ARHGAP26: variants seen among roughly 807,000 people sequenced by gnomAD.
ARHGAP26 encodes Rho GTPase activating protein 26.
A neutral mutation model predicts 104.8 loss-of-function variants in ARHGAP26; 38 were observed. The observed-to-expected ratio is 0.36, with a 90% CI of 0.28 to 0.48. The LOEUF is 0.48. ARHGAP26 is among the 20% of genes least tolerant of loss of function. The pLI, the probability that ARHGAP26 is intolerant of heterozygous loss-of-function variation, is 0.99. For synonymous variants in ARHGAP26, 341 were observed against 340.0 expected, an observed-to-expected ratio of 1.00 and a Z score of -0.03; for missense variants, 704 against 947.9, an observed-to-expected ratio of 0.74 and a Z score of 3.38.
chr5:142,771,510 T>C (rs1755195486), intron 1 of ARHGAP26: 1 of 909,126 alleles, frequency 1.1e-6, no homozygotes, highest in Admixed American at 4.3e-5. Context: ...CTGGAATCAG[T>C]ACGTGCGCAG....
At position 143,033,622 on chromosome 5, in the gene ARHGAP26, A is replaced by G. The variant is rs75112433; in HGVS notation, c.1145-3574A>G. The stretch of plus-strand genomic sequence containing the variant: ...TTCTTTTCAATTTTTCAAAACTTTT[A>G]TCGATGTTCAGAGGGTAAAGAAATA... On this transcript the variant is annotated intron_variant, in intron 12 of 22. Coordinates refer to ENST00000645722, the MANE Select transcript of ARHGAP26 (RefSeq NM_001135608.3). Among the ~76,000 whole-genome samples the G allele has an allele frequency of 3.7e-3, 570 of 152,328 alleles. 1 individual carries two copies. Among genetic ancestry groups the G allele is most frequent in the Non-Finnish European group, 6.8e-3 (465 of 68,026 alleles).
At chr5:142,909,523 C>G (rs957219132) in intron 9 of ARHGAP26, among the ~76,000 whole-genome samples, 1 of 152,204 alleles carries the variant, frequency 6.6e-6, no homozygotes, top group Non-Finnish European at 1.5e-5. Context: ...CTTTCTTTTA[C>G]TTAAGCCATG....
chr5:143,066,649 A>C (rs939151890), intron 17 of ARHGAP26, among the ~76,000 whole-genome samples: 3 of 152,186 alleles, frequency 2.0e-5, no homozygotes, highest in Non-Finnish European at 4.4e-5. Flanking sequence ...GGCTTTCTTC[A>C]TAGTTTTGTT....
chr5:142,948,479 A>G (rs1767517478), intron 11 of ARHGAP26, among the ~76,000 whole-genome samples: 1 of 151,874 alleles, frequency 6.6e-6, no homozygotes, highest in Non-Finnish European at 1.5e-5. Context: ...TATGAAAAAT[A>G]TATAATTGTG....
chr5:142,975,812 A>C (rs773289339), intron 11 of ARHGAP26, among the ~76,000 whole-genome samples: 18 of 152,234 alleles, frequency 1.2e-4, no homozygotes, highest in Admixed American at 3.3e-4. Flanking sequence ...GAGAGTATTA[A>C]GAAAACATAA....
intron 1 of ARHGAP26, among the ~76,000 whole-genome samples, chr5:142,825,636 G>A (rs143054285): frequency 4.1e-4 from 63 of 152,318 alleles, no homozygotes; most frequent in African/African-American, 1.4e-3. Context: ...TAATTCCTTA[G>A]CGGGACGATA....
At chr5:143,079,499 G>C (rs906042962) in intron 17 of ARHGAP26, among the ~76,000 whole-genome samples, 2 of 152,200 alleles carry the variant, frequency 1.3e-5, no homozygotes, top group Admixed American at 1.3e-4. Flanking sequence ...GTGCTGTGCA[G>C]CTGATTTGAT....
chr5:143,098,058 G>T (rs985930772), intron 17 of ARHGAP26, among the ~76,000 whole-genome samples: 2 of 152,056 alleles, frequency 1.3e-5, no homozygotes, highest in African/African-American at 2.4e-5. Context: ...CTATACAGAA[G>T]AACTCTTCCT....
Position 143,061,622 on chromosome 5 carries a change from C to CT in ARHGAP26, c.1538+3878dup, listed in dbSNP as rs201840970. On this transcript the variant is annotated intron_variant, in intron 17 of 22. Transcript: ENST00000645722. The stretch of plus-strand genomic sequence containing the variant: ...GAGAGATATGGTATCATTTAGGATG[C>CT]TTTGAGCTGCAAGAAACAGAAAATC... 1.3e-3 allele frequency among the ~76,000 whole-genome samples: 194 copies of CT among 152,234 alleles called. 1 individual carries two copies. Among genetic ancestry groups the CT allele is most frequent in the African/African-American group, 4.4e-3 (182 of 41,534 alleles).
chr5:143,142,214 CT>C, intron 19 of ARHGAP26, among the ~76,000 whole-genome samples: 1 of 140,476 alleles, frequency 7.1e-6, no homozygotes, highest in Non-Finnish European at 1.5e-5. Context: ...TCTTGGCTCA[CT>C]GCAACCTTCG....
intron 11 of ARHGAP26, among the ~76,000 whole-genome samples, chr5:142,963,179 T>TAC (rs1554172139): frequency 1.2e-4 from 13 of 104,140 alleles, no homozygotes; most frequent in African/African-American, 7.5e-4. Flanking sequence ...TATGTATATA[T>TAC]ATATATATAT....
chr5:143,012,258 A>G (rs1778856115), intron 11 of ARHGAP26, among the ~76,000 whole-genome samples: 1 of 151,644 alleles, frequency 6.6e-6, no homozygotes, highest in Non-Finnish European at 1.5e-5. Flanking sequence ...ATGATTTGTT[A>G]TATTTAGAGC....
intron 12 of ARHGAP26, among the ~76,000 whole-genome samples, chr5:143,030,384 G>A (rs904798461): frequency 2.0e-5 from 3 of 152,218 alleles, no homozygotes; most frequent in Admixed American, 1.3e-4. Flanking sequence ...ATAATGCCTT[G>A]ATGGACAAAA....
rs750098628 is a variant in ARHGAP26, at chr5:143,057,740, T to C, written c.1531T>C (p.Leu511=). Residue 511 remains leucine (L), a synonymous_variant, in exon 17 of 23, where the codon TTG becomes CTG. Transcript: ENST00000645722. ...GATGTTACAGCTGCTCATGAACCACTTGGCAAAGTAGGTTTAAGACCAATT... is the reference window on the plus strand; with the variant it reads ...GATGTTACAGCTGCTCATGAACCACCTGGCAAAGTAGGTTTAAGACCAATT... ...RQMLQLLMNH[L]ANVANNHKQN... is the part of the protein sequence containing the mutation. 5.5e-5 allele frequency: 88 copies of C among 1,613,704 alleles called. No homozygotes were observed. In the South Asian group the frequency reaches 9.4e-4, roughly 17 times the overall value.
In ARHGAP26 at chr5:143,222,986, A is replaced by G. The variant is rs1003710840; in HGVS notation, c.*540A>G. ...CATGCAGGATGAAGAGGGTTAAAAC[A>G]CTGTTTATATAAGATCCAATCTCTC... On this transcript the variant is annotated 3_prime_UTR_variant, in exon 23 of 23. Transcript: ENST00000645722. 4.3e-6 allele frequency: 1 copy of G among 233,036 alleles called. No individual in the cohort carries two copies. Among genetic ancestry groups the G allele is most frequent in the African/African-American group, 2.2e-5 (1 of 45,286 alleles). The allele number at this position is 233,036 out of a possible 1,614,324, so 14.4% of individuals were successfully genotyped here.
At chr5:142,956,781 C>G (rs1769317794) in intron 11 of ARHGAP26, among the ~76,000 whole-genome samples, 1 of 152,086 alleles carries the variant, frequency 6.6e-6, no homozygotes, top group Non-Finnish European at 1.5e-5. Context: ...TGGGGAAGGC[C>G]TCACAATTAT....
At position 143,228,099 on chromosome 5, in the gene ARHGAP26, T is replaced by G. The variant is rs1051949690; in HGVS notation, c.*5653T>G. 8.9e-6 allele frequency: 2 copies of G among 223,514 alleles called. No individual in the cohort carries two copies. The highest frequency in any genetic ancestry group is 4.5e-5 in the African/African-American group (2 of 44,844). The allele number at this position is 223,514 out of a possible 1,614,324, so 13.8% of individuals were successfully genotyped here. ...TTACCTGGAGCAGTCCTGGAGAGGTTAAGACATTCTATACTGTTCTACGTC... is the reference window on the plus strand; with the variant it reads ...TTACCTGGAGCAGTCCTGGAGAGGTGAAGACATTCTATACTGTTCTACGTC... On this transcript the variant is annotated 3_prime_UTR_variant, in exon 23 of 23. Coordinates refer to ENST00000645722, the MANE Select transcript of ARHGAP26 (RefSeq NM_001135608.3).
At chr5:142,867,288 GGTGTGTGT>G (rs70991782) in intron 1 of ARHGAP26, among the ~76,000 whole-genome samples, 3,652 of 143,674 alleles carry the variant, frequency 0.025, 53 homozygotes, top group Middle Eastern at 0.05. Flanking sequence ...ATTTGCACAG[GGTGTGTGT>G]GTGTGTGTGT....
intron 20 of ARHGAP26, among the ~76,000 whole-genome samples, chr5:143,167,738 T>G (rs960309593): frequency 2.0e-4 from 30 of 152,116 alleles, no homozygotes; most frequent in African/African-American, 7.2e-4. Flanking sequence ...GAATTTGTCT[T>G]GCCTACCAGA....
Sources: gnomAD v4.1 joint callset for allele counts (sites outside exome capture counted in the v4.1 genomes callset) on GRCh38, gnomAD v4.1.1 for gene constraint, MANE v1.5 for transcripts, NCBI Gene and HGNC (gene_info 2026-07-23, HGNC 2026-07-21) for gene names.